ELAVL4: variants seen among roughly 807,000 people sequenced by gnomAD.
ELAVL4 encodes the protein ELAV like RNA binding protein 4.
In ELAVL4, 1 loss-of-function variant was observed where a neutral mutation model predicts 35.6. The ratio of observed to expected loss-of-function variants is 0.03; its 90% CI spans 0.01 to 0.13. The LOEUF (loss-of-function observed/expected upper bound fraction) is 0.13. ELAVL4 is among the 10% of genes least tolerant of loss of function. ELAVL4 has a pLI of 1.00. For missense variants in ELAVL4, 267 were observed against 464.9 expected (o/e 0.57, Z 3.91); for synonymous variants, 156 against 171.0 (o/e 0.91, Z 0.69).
At chr1:50,171,080 A>G (rs1222268098) in intron 2 of ELAVL4, among the ~76,000 whole-genome samples, 1 of 152,192 alleles carries the variant, frequency 6.6e-6, no homozygotes, top group Non-Finnish European at 1.5e-5. Flanking sequence ...AAATTGTGTG[A>G]ATGACCAAAA....
At chr1:50,174,523 A>G (rs2148818466) in intron 2 of ELAVL4, 1 of 146,256 alleles carries the variant, frequency 6.8e-6, no homozygotes, top group East Asian at 2.0e-4. Context: ...AAGCACCCTC[A>G]TTCTTGATGT....
chr1:50,161,427 T>C (rs559473124), intron 2 of ELAVL4, among the ~76,000 whole-genome samples: 61 of 152,336 alleles, frequency 4.0e-4, no homozygotes, highest in African/African-American at 1.4e-3. Context: ...GAAGGTGAGA[T>C]AGTTGTCACT....
At chr1:50,090,474 A>T (rs1401773424) in intron 1 of ELAVL4, among the ~76,000 whole-genome samples, 4 of 152,170 alleles carry the variant, frequency 2.6e-5, no homozygotes, top group South Asian at 2.1e-4. Flanking sequence ...AAAAAAATTG[A>T]ACAGTATATA....
chr1:50,144,892 T>C (rs1190707649), intron 1 of ELAVL4, 65 bp from the exon 2 acceptor site: 1 of 1,581,456 alleles, frequency 6.3e-7, no homozygotes, highest in Non-Finnish European at 8.6e-7. Context: ...ATTAATAAAC[T>C]TTTAAAAGAG....
intron 4 of ELAVL4, among the ~76,000 whole-genome samples, chr1:50,195,041 T>C (rs939515203): frequency 7.5e-6 from 1 of 133,860 alleles, no homozygotes; most frequent in African/African-American, 2.6e-5. Context: ...AATGGAGCCA[T>C]GGAAGGGTAT....
chr1:50,108,923 C>T lies in ELAVL4; in HGVS notation c.-267C>T. 9.0e-7 allele frequency: 1 copy of T among 1,115,138 alleles called. No individual in the cohort carries two copies. Among genetic ancestry groups the T allele is most frequent in the Non-Finnish European group, 1.1e-6 (1 of 915,084 alleles). The allele number at this position is 1,115,138 out of a possible 1,614,324, so 69.1% of individuals were successfully genotyped here. On this transcript the variant is annotated 5_prime_UTR_variant, in exon 1 of 7. Coordinates refer to ENST00000371824, the MANE Select transcript of ELAVL4 (RefSeq NM_001144774.3). ...GGATGTAAAAAGGGGAAGCTTCGAG[C>T]CAATTTCAGCAAGGCTCTGTTCAGT...
intron 1 of ELAVL4, among the ~76,000 whole-genome samples, chr1:50,094,742 C>CAATCAATA (rs1665642970): frequency 7.4e-6 from 1 of 135,590 alleles, no homozygotes; most frequent in Non-Finnish European, 1.6e-5. Flanking sequence ...CCTGTCTCTA[C>CAATCAATA]AATAAATAAA....
At chr1:50,064,702 T>C (rs1238715735) in intron 1 of ELAVL4, among the ~76,000 whole-genome samples, 1 of 152,192 alleles carries the variant, frequency 6.6e-6, no homozygotes, top group African/African-American at 2.4e-5. Flanking sequence ...GAATTTCCCA[T>C]CCTATTATCC....
intron 1 of ELAVL4, among the ~76,000 whole-genome samples, chr1:50,048,843 G>A (rs1663210347): frequency 6.6e-6 from 1 of 152,234 alleles, no homozygotes; most frequent in Non-Finnish European, 1.5e-5. Flanking sequence ...GGAGCCTCAA[G>A]TGTTCGTAGG....
chr1:50,185,490 A>G (rs966086587), intron 3 of ELAVL4, among the ~76,000 whole-genome samples: 11 of 152,342 alleles, frequency 7.2e-5, no homozygotes, highest in African/African-American at 1.7e-4. Flanking sequence ...TTAGTGTGCC[A>G]TAGTGGAAAC....
At chr1:50,176,768 C>T (rs1680106480) in intron 2 of ELAVL4, among the ~76,000 whole-genome samples, 1 of 152,218 alleles carries the variant, frequency 6.6e-6, no homozygotes, top group African/African-American at 2.4e-5. Flanking sequence ...TGTTCTCTTT[C>T]CGCTACCATG....
intron 3 of ELAVL4, among the ~76,000 whole-genome samples, chr1:50,192,515 GCACGCA>G (rs1553190632): frequency 3.9e-4 from 31 of 80,350 alleles, no homozygotes; most frequent in South Asian, 1.6e-3. Context: ...GCTTTTGTGT[GCACGCA>G]CACACACACA....
intron 1 of ELAVL4, among the ~76,000 whole-genome samples, chr1:50,079,599 A>C (rs1475806183): frequency 6.6e-6 from 1 of 152,192 alleles, no homozygotes; most frequent in Non-Finnish European, 1.5e-5. Flanking sequence ...GAGAGTTGAC[A>C]GTTGAGGGTT....
At chr1:50,175,392 AC>A (rs1679830158) in intron 2 of ELAVL4, 4 of 59,580 alleles carry the variant, frequency 6.7e-5, no homozygotes, top group African/African-American at 1.7e-4. Context: ...ACACGTACAC[AC>A]ACACACACAC....
At chr1:50,192,519 GCACACA>G (rs5774068) in intron 3 of ELAVL4, among the ~76,000 whole-genome samples, 5,875 of 140,406 alleles carry the variant, frequency 0.042, 197 homozygotes, top group African/African-American at 0.096. Context: ...TTGTGTGCAC[GCACACA>G]CACACACACA....
chr1:50,105,417 G>A (rs200817732), upstream of ELAVL4, among the ~76,000 whole-genome samples: 1 of 152,142 alleles, frequency 6.6e-6, no homozygotes, highest in South Asian at 2.1e-4. Flanking sequence ...GCAGTGTTTT[G>A]TTTTGTTTTG....
At chr1:50,079,214 A>G (rs1664895843) in intron 1 of ELAVL4, among the ~76,000 whole-genome samples, 1 of 152,134 alleles carries the variant, frequency 6.6e-6, no homozygotes, top group African/African-American at 2.4e-5. Flanking sequence ...GGTGTGTGCC[A>G]CTACACCTAG....
intron 2 of ELAVL4, 152 bp downstream of exon 2, chr1:50,145,349 C>A: frequency 8.6e-7 from 1 of 1,157,348 alleles, no homozygotes; most frequent in Non-Finnish European, 1.2e-6. Context: ...CTACATACAC[C>A]ACATAAGACC....
At chr1:50,059,429 G>T (rs866543685) in intron 1 of ELAVL4, among the ~76,000 whole-genome samples, 5 of 152,050 alleles carry the variant, frequency 3.3e-5, no homozygotes, top group Middle Eastern at 3.4e-3. Flanking sequence ...TATTTAAAAT[G>T]TTAAGAAATA....
Sources: gnomAD v4.1 joint callset for allele counts (sites outside exome capture counted in the v4.1 genomes callset) on GRCh38, gnomAD v4.1.1 for gene constraint, MANE v1.5 for transcripts, NCBI Gene and HGNC (gene_info 2026-07-23, HGNC 2026-07-21) for gene names.